RALYL: variants seen among roughly 807,000 people sequenced by gnomAD.
RALYL encodes the protein RNA-binding Raly-like protein.
In RALYL, 29 loss-of-function variants were observed where a neutral mutation model predicts 35.1. The observed-to-expected ratio is 0.83, with a 90% CI of 0.61 to 1.13. The LOEUF (loss-of-function observed/expected upper bound fraction) is 1.13, where lower values mean the gene tolerates loss of function less well. RALYL is among the 50% of genes most tolerant of loss of function. The probability of loss-of-function intolerance (pLI) is 0.00; values close to 1 mark genes in which losing one functional copy is unlikely to be tolerated. For missense variants in RALYL, 359 were observed against 360.4 expected (o/e 1.00, Z 0.03); for synonymous variants, 120 against 127.6 (o/e 0.94, Z 0.40).
chr8:84,658,625 G>T (rs1455376163), intron 2 of RALYL, among the ~76,000 whole-genome samples: 3 of 152,076 alleles, frequency 2.0e-5, no homozygotes, highest in African/African-American at 7.2e-5. Flanking sequence ...TAGCCTGAGT[G>T]GAAAACTGAC....
chr8:84,503,781 C>A (rs2056921407), intron 1 of RALYL, among the ~76,000 whole-genome samples: 1 of 151,680 alleles, frequency 6.6e-6, no homozygotes, highest in South Asian at 2.1e-4. Context: ...TGATCTCCTG[C>A]TGAGGCAGGA....
chr8:84,611,072 C>G (rs1818205355), intron 2 of RALYL, among the ~76,000 whole-genome samples: 1 of 152,072 alleles, frequency 6.6e-6, no homozygotes, highest in Non-Finnish European at 1.5e-5. Flanking sequence ...ACTGCAGTAC[C>G]ATTTCCTTTA....
intron 1 of RALYL, among the ~76,000 whole-genome samples, chr8:84,193,900 T>A (rs1563509722): frequency 6.6e-6 from 1 of 152,108 alleles, no homozygotes; most frequent in South Asian, 2.1e-4. Flanking sequence ...GATATGAAGA[T>A]ATAAATAAAT....
chr8:84,463,180 G>C (rs758940905), intron 1 of RALYL, among the ~76,000 whole-genome samples: 2 of 151,812 alleles, frequency 1.3e-5, no homozygotes, highest in Admixed American at 6.6e-5. Context: ...TTGTATCTGG[G>C]TGTAATTTCA....
chr8:84,302,933 G>A (rs1271365529), intron 1 of RALYL, among the ~76,000 whole-genome samples: 1 of 152,156 alleles, frequency 6.6e-6, no homozygotes, highest in Non-Finnish European at 1.5e-5. Flanking sequence ...AGAAATAGTT[G>A]GCGAGACTTT....
At chr8:84,451,105 A>T (rs1301345949) in intron 1 of RALYL, among the ~76,000 whole-genome samples, 1 of 151,948 alleles carries the variant, frequency 6.6e-6, no homozygotes, top group Non-Finnish European at 1.5e-5. Context: ...AATAAGATTA[A>T]CTCTAGCCAA....
intron 2 of RALYL, among the ~76,000 whole-genome samples, chr8:84,547,049 C>T (rs1323447331): frequency 2.0e-5 from 3 of 152,068 alleles, no homozygotes; most frequent in African/African-American, 7.2e-5. Context: ...TGGGTTGCTG[C>T]ACCCATTAAC....
chr8:84,320,623 ATTAT>A (rs1359966088), intron 1 of RALYL, among the ~76,000 whole-genome samples: 1 of 152,094 alleles, frequency 6.6e-6, no homozygotes, highest in Non-Finnish European at 1.5e-5. Context: ...CTAAAATGAA[ATTAT>A]TTATTCATTC....
intron 7 of RALYL, among the ~76,000 whole-genome samples, chr8:84,874,085 C>A (rs574555108): frequency 6.6e-6 from 1 of 152,130 alleles, no homozygotes; most frequent in Non-Finnish European, 1.5e-5. Flanking sequence ...AAAGTGTGCT[C>A]TATGAGGCTT....
chr8:84,708,258 T>TTCA (rs1841554112), intron 2 of RALYL, among the ~76,000 whole-genome samples: 1 of 152,090 alleles, frequency 6.6e-6, no homozygotes, highest in Admixed American at 6.6e-5. Context: ...AAAGTACAAA[T>TTCA]TGTACTAAAC....
At chr8:84,774,763 TGG>T in intron 3 of RALYL, 109 bp downstream of exon 3, 1 of 703,450 alleles carries the variant, frequency 1.4e-6, no homozygotes, top group East Asian at 2.7e-5. Context: ...TAATCCTTAT[TGG>T]AATAAAGTAC....
intron 4 of RALYL, among the ~76,000 whole-genome samples, chr8:84,846,052 T>G (rs1834583179): frequency 1.3e-5 from 2 of 152,206 alleles, no homozygotes; most frequent in Admixed American, 1.3e-4. Context: ...TGTAGTATAG[T>G]TTGAAGTAGG....
At chr8:84,604,479 C>A (rs1210787668) in intron 2 of RALYL, among the ~76,000 whole-genome samples, 1 of 152,118 alleles carries the variant, frequency 6.6e-6, no homozygotes, top group Non-Finnish European at 1.5e-5. Flanking sequence ...AACCCTGGTG[C>A]CAAAAACATA....
chr8:84,574,519 G>A (rs947111556), intron 2 of RALYL, among the ~76,000 whole-genome samples: 6 of 151,942 alleles, frequency 3.9e-5, no homozygotes, highest in East Asian at 3.9e-4. Flanking sequence ...CTGTCTCCTC[G>A]ACCCAGAAAG....
chr8:84,596,882 T>C (rs1214327104), intron 2 of RALYL, among the ~76,000 whole-genome samples: 1 of 152,116 alleles, frequency 6.6e-6, no homozygotes, highest in African/African-American at 2.4e-5. Flanking sequence ...ATAGCAAATA[T>C]GACAAATCTT....
chr8:84,307,369 G>T (rs12548123), intron 1 of RALYL, among the ~76,000 whole-genome samples: 43 of 152,156 alleles, frequency 2.8e-4, no homozygotes, highest in Admixed American at 2.8e-3. Context: ...TGAATATCAT[G>T]AATCAGGGCT....
chr8:84,312,041 TGGCTG>T (rs1842915768), intron 1 of RALYL, among the ~76,000 whole-genome samples: 1 of 152,196 alleles, frequency 6.6e-6, no homozygotes, highest in Non-Finnish European at 1.5e-5. Flanking sequence ...CAATTCTGCA[TGGCTG>T]GGGGAGGCCT....
At chr8:84,768,922 A>G (rs1342394650) in intron 2 of RALYL, among the ~76,000 whole-genome samples, 1 of 152,230 alleles carries the variant, frequency 6.6e-6, no homozygotes, top group Non-Finnish European at 1.5e-5. Flanking sequence ...TTTTCATTGT[A>G]TGAATATGCT....
intron 1 of RALYL, among the ~76,000 whole-genome samples, chr8:84,356,510 G>A (rs1280251900): frequency 6.7e-6 from 1 of 150,096 alleles, no homozygotes; most frequent in Non-Finnish European, 1.5e-5. Flanking sequence ...CAGAAGGATG[G>A]AACAGGAAAG....
Sources: gnomAD v4.1 joint callset for allele counts (sites outside exome capture counted in the v4.1 genomes callset) on GRCh38, gnomAD v4.1.1 for gene constraint, MANE v1.5 for transcripts, NCBI Gene and HGNC (gene_info 2026-07-23, HGNC 2026-07-21) for gene names.